Variants in NPAS3 observed in about 807,000 individuals in gnomAD.
NPAS3 encodes the protein neuronal PAS domain-containing protein 3.
In NPAS3, 14 loss-of-function variants were observed where a neutral mutation model predicts 73.1. The observed-to-expected ratio is 0.19, with a 90% CI of 0.13 to 0.30. The LOEUF is 0.30. NPAS3 is among the 10% of genes least tolerant of loss of function. The pLI is 1.00. For missense variants in NPAS3, 1,096 were observed against 1,250.0 expected, an observed-to-expected ratio of 0.88 and a Z score of 1.86; for synonymous variants, 620 against 541.5, an observed-to-expected ratio of 1.14 and a Z score of -2.01.
chr14:33,616,762 T>A lies in NPAS3; in HGVS notation c.558+56552T>A, dbSNP rs1309469849. ...ATTTGACAATGACTGGTGATTTAGGTCTACCTCTAATAAGCGAATTAATCT... is the reference window on the plus strand; with the variant it reads ...ATTTGACAATGACTGGTGATTTAGGACTACCTCTAATAAGCGAATTAATCT... On this transcript the variant is annotated intron_variant, in intron 5 of 11. Transcript: ENST00000356141. Among the ~76,000 whole-genome samples, 3 of 152,182 alleles carry A rather than the reference T, an allele frequency of 2.0e-5. 1 individual carries two copies. Among genetic ancestry groups the A allele is most frequent in the Non-Finnish European group, 2.9e-5 (2 of 68,030 alleles).
intron 8 of NPAS3, among the ~76,000 whole-genome samples, chr14:33,775,829 T>A (rs1221608161): frequency 6.6e-6 from 1 of 152,166 alleles, no homozygotes; most frequent in Admixed American, 6.5e-5. Flanking sequence ...GAGTTGGCAG[T>A]TCCTAATAAA....
At chr14:33,091,058 A>C (rs774852986) in intron 2 of NPAS3, among the ~76,000 whole-genome samples, 11 of 152,174 alleles carry the variant, frequency 7.2e-5, no homozygotes, top group African/African-American at 1.4e-4. Context: ...AAATTGACAC[A>C]CTAACATCAC....
intron 6 of NPAS3, among the ~76,000 whole-genome samples, chr14:33,726,330 C>T (rs765401713): frequency 1.5e-4 from 23 of 152,180 alleles, no homozygotes; most frequent in Non-Finnish European, 2.4e-4. Context: ...AAGTCATACA[C>T]TGAAGGCAAA....
At chr14:33,670,858 A>T (rs1002102947) in intron 5 of NPAS3, among the ~76,000 whole-genome samples, 7 of 149,588 alleles carry the variant, frequency 4.7e-5, no homozygotes, top group African/African-American at 1.7e-4. Flanking sequence ...TGGGGCCTGG[A>T]TGCAGAAGGA....
chr14:33,799,790 G>T (rs1482872245), exon 12 of NPAS3: 2 of 1,610,778 alleles, frequency 1.2e-6, no homozygotes, highest in Non-Finnish European at 1.7e-6. Context: ...GAACAGCGAA[G>T]ACCCGGAGCC....
chr14:33,176,988 C>A (rs1426279149), intron 2 of NPAS3, among the ~76,000 whole-genome samples: 2 of 151,496 alleles, frequency 1.3e-5, no homozygotes, highest in East Asian at 3.9e-4. Flanking sequence ...GCATCTTTTT[C>A]ATGGGCTTAC....
intron 2 of NPAS3, among the ~76,000 whole-genome samples, chr14:33,104,814 T>C (rs1019320835): frequency 3.9e-5 from 6 of 152,176 alleles, no homozygotes; most frequent in Non-Finnish European, 2.9e-5. Context: ...TGTCAGACAA[T>C]TGAGTATGTT....
intron 5 of NPAS3, among the ~76,000 whole-genome samples, chr14:33,638,488 A>C (rs1178301745): frequency 1.3e-5 from 2 of 152,046 alleles, no homozygotes; most frequent in Non-Finnish European, 2.9e-5. Context: ...GAAATGGAGA[A>C]AATAATAACA....
chr14:33,017,373 G>A (rs764983760), intron 1 of NPAS3, among the ~76,000 whole-genome samples: 6 of 152,112 alleles, frequency 3.9e-5, no homozygotes, highest in Non-Finnish European at 8.8e-5. Flanking sequence ...AGGGCATAGT[G>A]TATCTCAGTT....
At chr14:33,724,875 T>G (rs1337918304) in intron 6 of NPAS3, among the ~76,000 whole-genome samples, 1 of 152,146 alleles carries the variant, frequency 6.6e-6, no homozygotes, top group Non-Finnish European at 1.5e-5. Context: ...ATTAAGAGCT[T>G]TTTTAAAAGC....
At chr14:33,171,546 C>G (rs1173569829) in intron 2 of NPAS3, among the ~76,000 whole-genome samples, 1 of 152,222 alleles carries the variant, frequency 6.6e-6, no homozygotes, top group Non-Finnish European at 1.5e-5. Flanking sequence ...CTGCAGCTTC[C>G]TCACCTCTGT....
intron 3 of NPAS3, among the ~76,000 whole-genome samples, chr14:33,313,070 C>G (rs1386987620): frequency 6.6e-6 from 1 of 151,878 alleles, no homozygotes; most frequent in Admixed American, 6.6e-5. Flanking sequence ...TTTGAGGTGG[C>G]AGGGGGTGTT....
intron 6 of NPAS3, among the ~76,000 whole-genome samples, chr14:33,707,285 CA>C (rs2060682773): frequency 6.6e-6 from 1 of 151,940 alleles, no homozygotes; most frequent in Admixed American, 6.6e-5. Context: ...GACTTGAACA[CA>C]AATAGTTCTA....
chr14:33,693,366 G>A (rs898686009), intron 6 of NPAS3, among the ~76,000 whole-genome samples: 1 of 152,150 alleles, frequency 6.6e-6, no homozygotes, highest in African/African-American at 2.4e-5. Flanking sequence ...CTACCTAGAC[G>A]ACTGTTTTCC....
chr14:33,643,353 G>A (rs1280070594), intron 5 of NPAS3, among the ~76,000 whole-genome samples: 6 of 114,606 alleles, frequency 5.2e-5, no homozygotes, highest in Admixed American at 1.0e-4. Flanking sequence ...TGATGTGTTC[G>A]GAAAAAGAAA....
chr14:33,146,979 G>C (rs758084241), intron 2 of NPAS3, among the ~76,000 whole-genome samples: 7 of 152,136 alleles, frequency 4.6e-5, no homozygotes, highest in Non-Finnish European at 8.8e-5. Flanking sequence ...TTTTTGTAAA[G>C]TGAAATCTTT....
At position 33,708,527 on chromosome 14, in the gene NPAS3, T is replaced by C. The variant is rs183973921; in HGVS notation, c.734-26687T>C. Among the ~76,000 whole-genome samples the C allele has an allele frequency of 3.3e-3, 504 of 152,266 alleles. 1 individual carries two copies. The highest frequency in any genetic ancestry group is 0.012 in the African/African-American group (480 of 41,546). The stretch of plus-strand genomic sequence containing the variant: ...AGGAATAAAAGGCCATTTCTTTCTG[T>C]AGAAAGAGGTTAATTGTGGGGAGCC... On this transcript the variant is annotated intron_variant, in intron 6 of 11. Coordinates refer to ENST00000356141, the Ensembl canonical transcript of NPAS3.
At chr14:33,699,982 G>A (rs942823575) in intron 6 of NPAS3, among the ~76,000 whole-genome samples, 7 of 152,182 alleles carry the variant, frequency 4.6e-5, no homozygotes, top group African/African-American at 1.7e-4. Flanking sequence ...GAAGGGATAT[G>A]CTTACTGTAA....
At position 33,610,868 on chromosome 14, in the gene NPAS3, G is replaced by T. The variant is rs2057727047; in HGVS notation, c.558+50658G>T. On this transcript the variant is annotated intron_variant, in intron 5 of 11. Transcript: ENST00000356141. ...ATTTTAATGAACAGTTTGGATCAGG[G>T]TTGTTCTAAAAACTTTGCCCGAGAA... 3 of 152,208 alleles carry T rather than the reference G, an allele frequency of 2.0e-5. No homozygotes were observed. The South Asian group carries it at 6.2e-4, about 32-fold the overall frequency. The allele number at this position is 152,208 out of a possible 1,614,324, so 9.4% of individuals were successfully genotyped here.
Sources: gnomAD v4.1 joint callset for allele counts (sites outside exome capture counted in the v4.1 genomes callset) on GRCh38, gnomAD v4.1.1 for gene constraint, MANE v1.5 for transcripts, NCBI Gene and HGNC (gene_info 2026-07-23, HGNC 2026-07-21) for gene names.